Variants in AP1B1 observed in about 807,000 individuals in gnomAD.
AP1B1 encodes AP-1 complex subunit beta-1.
Under a neutral mutation model 104.3 loss-of-function variants are expected in AP1B1, and 36 were observed. That is an observed-to-expected ratio of 0.35 (90% CI 0.26 to 0.46). The LOEUF is 0.46. Ranked by LOEUF, AP1B1 falls within the 20% of genes least tolerant of loss-of-function variation. The pLI is 1.00. For synonymous variants in AP1B1, 504 were observed against 517.5 expected (o/e 0.97, Z 0.35); for missense variants, 901 against 1,247.9 (o/e 0.72, Z 4.19).
intron 19 of AP1B1, 63 bp downstream of exon 19, chr22:29,331,386 T>A (rs912047768): frequency 2.3e-5 from 35 of 1,516,314 alleles, no homozygotes; most frequent in Admixed American, 3.3e-5. Flanking sequence ...AGGCACCACC[T>A]TGGCCAGGTT....
Position 29,339,043 on chromosome 22 carries a change from C to A in AP1B1, c.2110G>T (p.Asp704Tyr), listed in dbSNP as rs777558368. Reference protein sequence around the residue: ...PIGSGLSDLFDLTSGVGTLSG... With the variant: ...PIGSGLSDLFYLTSGVGTLSG... Reference sequence around the variant, plus strand: ...AGGGTGCCCACGCCACTGGTCAGGTCAAAGAGGTCACTCAGGCCACTGCCG... The same window carrying A: ...AGGGTGCCCACGCCACTGGTCAGGTAAAAGAGGTCACTCAGGCCACTGCCG... The change falls in exon 16 of 23, where the codon GAC becomes TAC. Residue 704 changes from aspartate to tyrosine, a missense_variant. By Grantham distance (160) the Asp-to-Tyr change is radical. Around this residue, in one of 3 missense-constraint regions of AP1B1, gnomAD observed 424 missense variants for 494.0 expected, o/e 0.86. Transcript: ENST00000357586. The A allele has an allele frequency of 1.9e-6, 3 of 1,614,066 alleles. No individual in the cohort carries two copies. The African/African-American group carries it at 4.0e-5, about 22-fold the overall frequency.
rs2061720665 is a variant in AP1B1 at position 29,341,852 on chromosome 22, G to A, written c.1537-92C>T. 2.1e-6 allele frequency: 3 copies of A among 1,446,014 alleles called. No individual in the cohort carries two copies. In the South Asian group the frequency reaches 4.1e-5, roughly 20 times the overall value. 89.6% of individuals were successfully genotyped at this position (1,446,014 alleles called of 1,614,324 possible). On this transcript the variant is annotated intron_variant, in intron 12 of 22. Coordinates refer to ENST00000357586, the MANE Select transcript of AP1B1 (RefSeq NM_001127.4). Reference sequence around the variant, plus strand: ...GCAGCCATGAGCCAGGTGCGGCACAGGGGTGGCCAATGGGGACAGCAGTCC... The same window carrying A: ...GCAGCCATGAGCCAGGTGCGGCACAAGGGTGGCCAATGGGGACAGCAGTCC...
Position 29,339,084 on chromosome 22 carries a change from T to C in AP1B1, c.2069A>G (p.Asn690Ser), listed in dbSNP as rs772696624. The C allele has an allele frequency of 2.5e-6, 4 of 1,614,020 alleles. No homozygotes were observed. The highest frequency in any genetic ancestry group is 2.7e-5 in the African/African-American group (2 of 74,900). ...VAPPTAAVPA[N>S]LGAPIGSGLS... ...GCCACTGCCGATGGGTGCTCCAAGA[T>C]TGGCTGGTACTGCTGCTGTTGGAGG... The change falls in exon 16 of 23, where the codon AAT becomes AGT. Residue 690 changes from asparagine (N) to serine (S), a missense_variant. Physicochemically the swap from Asn to Ser is conservative, Grantham distance 46. Transcript: ENST00000357586.
In AP1B1 at chr22:29,350,031, G is replaced by A. The variant is rs373114276; in HGVS notation, c.1271+4C>T. The A allele has an allele frequency of 3.7e-6, 6 of 1,612,222 alleles. No homozygotes were observed. Among genetic ancestry groups the A allele is most frequent in the South Asian group, 3.3e-5 (3 of 91,044 alleles). On this transcript the variant is annotated splice_donor_region_variant and intron_variant, in intron 10 of 22. Transcript: ENST00000357586. ...GCCCTCTCCCTAGGAGGGCGGGCAC[G>A]CACTTGTTGGGGTACTTGCGGAAGA...
intron 16 of AP1B1, 53 bp downstream of exon 16, chr22:29,338,937 C>T (rs1479425471): frequency 2.9e-5 from 47 of 1,606,146 alleles, no homozygotes; most frequent in Non-Finnish European, 3.8e-5. Context: ...GCCCACATGC[C>T]AGTCTCCATA....
At chr22:29,340,174 C>T (rs189964449) in intron 14 of AP1B1, among the ~76,000 whole-genome samples, 1 of 152,336 alleles carries the variant, frequency 6.6e-6, no homozygotes, top group East Asian at 1.9e-4. Context: ...CACCACTCCC[C>T]TCCCTACTGT....
At chr22:29,335,547 C>T (rs955597645) in intron 16 of AP1B1, among the ~76,000 whole-genome samples, 1 of 152,190 alleles carries the variant, frequency 6.6e-6, no homozygotes, top group African/African-American at 2.4e-5. Context: ...ACCAGATTTC[C>T]CAGGTAAGAC....
intron 17 of AP1B1, 126 bp from the exon 18 acceptor site, chr22:29,332,042 C>A: frequency 9.9e-7 from 1 of 1,005,322 alleles, no homozygotes; most frequent in East Asian, 2.5e-5. Context: ...CCAGCCTTCC[C>A]ATGTTCTGGA....
Position 29,330,526 on chromosome 22 carries a change from G to A in AP1B1, c.2618C>T (p.Ala873Val), listed in dbSNP as rs201912976. The change falls in exon 21 of 23, where the codon GCG becomes GTG. Residue 873 changes from alanine to valine, a missense_variant. By Grantham distance (64) the Ala-to-Val change is moderately conservative. Transcript: ENST00000357586. Reference protein sequence around the residue: ...IRDCPLNAEAASSKLQSSNIF... With the variant: ...IRDCPLNAEAVSSKLQSSNIF... ...GTTGCTGCTCTGCAGCTTGCTGCTCGCAGCCTCTGTGGGGTCACATGGCCG... is the reference window on the plus strand; with the variant it reads ...GTTGCTGCTCTGCAGCTTGCTGCTCACAGCCTCTGTGGGGTCACATGGCCG... 26 of 1,609,972 alleles carry A rather than the reference G, an allele frequency of 1.6e-5. No individual in the cohort carries two copies. Among genetic ancestry groups the A allele is most frequent in the Middle Eastern group, 3.3e-4 (2 of 6,072 alleles).
Position 29,342,264 on chromosome 22 carries a change from CG to C in AP1B1, c.1536+20del. On this transcript the variant is annotated intron_variant, in intron 12 of 22. Coordinates refer to ENST00000357586, the MANE Select transcript of AP1B1 (RefSeq NM_001127.4). ...TGAGTGAGGGCTATGCTGGGCACAG[CG>C]GGGAGGTTGGGGCACCCACCTGAGT... The C allele has an allele frequency of 6.3e-7, 1 of 1,598,858 alleles. No homozygotes were observed.
Position 29,349,472 on chromosome 22 carries a change from C to T in AP1B1, c.1272-89G>A. ...AGACAGGGGCCAGGAGGGAAGGGGA[C>T]CTGCCTCCTAAGACCCCAAGGTGGC... On this transcript the variant is annotated intron_variant, in intron 10 of 22. Coordinates refer to ENST00000357586, the MANE Select transcript of AP1B1 (RefSeq NM_001127.4). The T allele has an allele frequency of 8.3e-6, 12 of 1,442,126 alleles. 1 individual carries two copies. In the South Asian group the frequency reaches 1.5e-4, roughly 18 times the overall value. The allele number at this position is 1,442,126 out of a possible 1,614,324, so 89.3% of individuals were successfully genotyped here. A position where few individuals can be genotyped will look rare whatever the true frequency, so the allele number is the denominator to read the frequency against.
chr22:29,328,371 G>A lies in AP1B1; in HGVS notation c.*450C>T, dbSNP rs147078620. ...AGTGAGCAGCTCTCCTGGTACCAAG[G>A]GGAACCCCTCCCTGCACACCCAGGC... On this transcript the variant is annotated 3_prime_UTR_variant, in exon 23 of 23. Coordinates refer to ENST00000357586, the MANE Select transcript of AP1B1 (RefSeq NM_001127.4). The surrounding 1 kb of genome is among the most constrained non-coding windows in gnomAD (Gnocchi z 4.1). 821 of 161,224 alleles carry A rather than the reference G, an allele frequency of 5.1e-3. 3 individuals are homozygous for A. The highest frequency in any genetic ancestry group is 8.9e-3 in the Non-Finnish European group (654 of 73,652). 10.0% of individuals were successfully genotyped at this position (161,224 alleles called of 1,614,324 possible). A position where few individuals can be genotyped will look rare whatever the true frequency, so the allele number is the denominator to read the frequency against.
intron 1 of AP1B1, among the ~76,000 whole-genome samples, chr22:29,375,861 G>A (rs2062332091): frequency 6.6e-6 from 1 of 152,206 alleles, no homozygotes; most frequent in African/African-American, 2.4e-5. Flanking sequence ...GGGAGGCCTA[G>A]AGCCTGGCTC....
chr22:29,351,417 T>A, intron 8 of AP1B1, 151 bp from the exon 9 acceptor site: 1 of 990,572 alleles, frequency 1.0e-6, no homozygotes, highest in African/African-American at 1.6e-5. Flanking sequence ...AGCTGGCAGG[T>A]GCCTGAAAAG....
chr22:29,367,462 C>CTTTTTTTTTTTTTTTTT (rs368171561), intron 1 of AP1B1, among the ~76,000 whole-genome samples, 192 bp from the exon 2 acceptor site: 2 of 142,522 alleles, frequency 1.4e-5, no homozygotes, highest in African/African-American at 2.7e-5. Flanking sequence ...ATCTATCAAC[C>CTTTTTTTTTTTTTTTTT]TTTTTTTTTT....
At chr22:29,384,598 T>G (rs574612338) in intron 1 of AP1B1, among the ~76,000 whole-genome samples, 1 of 152,314 alleles carries the variant, frequency 6.6e-6, no homozygotes, top group South Asian at 2.1e-4. Context: ...CCAGGCACGG[T>G]GGCTCAAACC....
Position 29,349,345 on chromosome 22 carries a change from T to C in AP1B1, c.1310A>G (p.Asp437Gly). 6.2e-7 allele frequency: 1 copy of C among 1,613,678 alleles called. No individual in the cohort carries two copies. Residue 437 changes from aspartate (D) to glycine (G), a missense_variant, in exon 11 of 23, where the codon GAC becomes GGC. Asp to Gly is a moderately conservative substitution (Grantham distance 94). Coordinates refer to ENST00000357586, the MANE Select transcript of AP1B1 (RefSeq NM_001127.4). ...CCGGGCCTCAGGCTCATCCAGGGAG[T>C]CCAGATTCTCACACAGTGTGGCAAT... is the stretch of plus-strand genomic sequence containing the variant. ...SVIATLCENLDSLDEPEARAA... is the reference protein window; with the variant it reads ...SVIATLCENLGSLDEPEARAA...
intron 21 of AP1B1, chr22:29,330,081 C>G (rs182325230): frequency 1.2e-5 from 17 of 1,413,442 alleles, no homozygotes; most frequent in Non-Finnish European, 4.6e-6. Flanking sequence ...GGCCTGTGCC[C>G]AGCAATGTCA....
intron 11 of AP1B1, among the ~76,000 whole-genome samples, chr22:29,347,455 A>G (rs1014420564): frequency 2.6e-5 from 4 of 152,196 alleles, no homozygotes; most frequent in Non-Finnish European, 5.9e-5. Context: ...AGGGATAAGC[A>G]TAAAGTTACT....
Sources: gnomAD v4.1 joint callset for allele counts (sites outside exome capture counted in the v4.1 genomes callset) on GRCh38, gnomAD v4.1.1 for gene constraint, gnomAD v4.1.1 regional missense constraint, Gnocchi (gnomAD v3.1) non-coding constraint, MANE v1.5 for transcripts, NCBI Gene and HGNC (gene_info 2026-07-23, HGNC 2026-07-21) for gene names.